The following MAK variants were observed in gnomAD, a reference collection of about 807,000 sequenced individuals.
The protein encoded by MAK is male germ cell associated kinase, also known as serine/threonine-protein kinase MAK.
In MAK, 65 loss-of-function variants were observed where a neutral mutation model predicts 82.6. The observed-to-expected ratio is 0.79, with a 90% CI of 0.64 to 0.97. The LOEUF (loss-of-function observed/expected upper bound fraction) is 0.97, where lower values mean the gene tolerates loss of function less well. Ranked by LOEUF, MAK falls within the 50% of genes least tolerant of loss-of-function variation. The pLI, the probability that MAK is intolerant of heterozygous loss-of-function variation, is 0.00. For missense variants in MAK, 703 were observed against 780.2 expected (o/e 0.90, Z 1.18); for synonymous variants, 250 against 274.2 (o/e 0.91, Z 0.87).
chr6:10,832,023 A>G (rs1055208466), intron 1 of MAK, among the ~76,000 whole-genome samples: 11 of 152,312 alleles, frequency 7.2e-5, no homozygotes, highest in African/African-American at 2.6e-4. Context: ...TCCGCCTCCC[A>G]GGTTCAAGTG....
At position 10,776,460 on chromosome 6, in the gene MAK, A is replaced by C. The variant is rs2127520416; in HGVS notation, c.1466-1001T>G. Among the ~76,000 whole-genome samples, 1 of 152,184 alleles carries C rather than the reference A, an allele frequency of 6.6e-6. No homozygotes were observed. Among genetic ancestry groups the C allele is most frequent in the East Asian group, 1.9e-4 (1 of 5,186 alleles). On this transcript the variant is annotated intron_variant, in intron 11 of 14. Transcript: ENST00000354489. This position sits in a 1 kb window ranked among gnomAD's most constrained non-coding sequence, Gnocchi z 4.3. ...CTTGTTTTCTTTTCACTGATAATTA[A>C]ATTAGAGTGAACTTGAGCAGTCTAT...
Position 10,780,453 on chromosome 6 carries a change from G to GTT in MAK, c.1465+3969_1465+3970dup, listed in dbSNP as rs34131278. Among the ~76,000 whole-genome samples, 222 of 96,740 alleles carry GTT rather than the reference G, an allele frequency of 2.3e-3. 2 individuals carry two copies. The highest frequency in any genetic ancestry group is 7.6e-3 in the African/African-American group (201 of 26,322). 63.5% of individuals were successfully genotyped at this position (96,740 alleles called of 152,430 possible). A position where few individuals can be genotyped will look rare whatever the true frequency, so the allele number is the denominator to read the frequency against. On this transcript the variant is annotated intron_variant, in intron 11 of 14. Transcript: ENST00000354489. ...ATATTTCAGTCAGTGAAATGTACTG[G>GTT]TTTTTTTTTTTTTTTTTTTTGAGAC...
At chr6:10,837,729 C>G (rs1779244073) in intron 1 of MAK, among the ~76,000 whole-genome samples, 1 of 152,162 alleles carries the variant, frequency 6.6e-6, no homozygotes, top group Non-Finnish European at 1.5e-5. Context: ...CACTAAAAAC[C>G]AGTTTTATTG....
At chr6:10,824,616 G>A (rs772808435) in intron 2 of MAK, among the ~76,000 whole-genome samples, 1 of 151,060 alleles carries the variant, frequency 6.6e-6, no homozygotes, top group Non-Finnish European at 1.5e-5. Context: ...CAGATGGGTG[G>A]AGGTGGAAAG....
chr6:10,791,720 C>T lies in MAK; in HGVS notation c.1271G>A (p.Ser424Asn). ...DFGASHSKKP[S>N]MGVFKEKRKK... ...CCTTTTTTCTTTAAAAACACCCATG[C>T]TTGGCTTCTTGGAATGGGAGGCTCC... is the stretch of plus-strand genomic sequence containing the variant. The change falls in exon 10 of 15, where the codon AGC becomes AAC. Residue 424 changes from serine (S) to asparagine (N), a missense_variant. Physicochemically the swap from Ser to Asn is conservative, Grantham distance 46. Transcript: ENST00000354489. 1 of 1,613,954 alleles carries T rather than the reference C, an allele frequency of 6.2e-7. No homozygotes were observed. Among genetic ancestry groups the T allele is most frequent in the East Asian group, 2.2e-5 (1 of 44,880 alleles).
At position 10,770,135 on chromosome 6, in the gene MAK, C is replaced by T. The variant is rs1032272680; in HGVS notation, c.1768G>A (p.Ala590Thr). 3 of 1,613,986 alleles carry T rather than the reference C, an allele frequency of 1.9e-6. No homozygotes were observed. In the African/African-American group the frequency reaches 4.0e-5, roughly 22 times the overall value. ...VQSAGQRIHL[A>T]PLNATASEYT... ...CCTGAAGCCGTTGCATTGAGAGGTG[C>T]TAAGTGGATCCTCTGGCCAGCTGAC... The change falls in exon 14 of 15, where the codon GCA becomes ACA. Residue 590 changes from alanine to threonine, a missense_variant. Physicochemically the swap from Ala to Thr is moderately conservative, Grantham distance 58 (BLOSUM62 0). Transcript: ENST00000354489.
At chr6:10,813,855 TA>T in intron 4 of MAK, 132 bp from the exon 5 acceptor site, 1 of 715,404 alleles carries the variant, frequency 1.4e-6, no homozygotes, top group African/African-American at 1.8e-5. Flanking sequence ...TTTATAGATT[TA>T]TACTCTTAAA....
intron 8 of MAK, chr6:10,797,702 G>C: frequency 9.0e-7 from 1 of 1,107,724 alleles, no homozygotes; most frequent in Non-Finnish European, 1.1e-6. Flanking sequence ...CCTTTAGCCA[G>C]TCCCCACATA....
chr6:10,777,376 C>T (rs978145956), intron 11 of MAK, among the ~76,000 whole-genome samples: 3 of 149,836 alleles, frequency 2.0e-5, no homozygotes, highest in Non-Finnish European at 3.0e-5. Context: ...TGTGCCACTG[C>T]ATCCAGCCTG....
intron 11 of MAK, chr6:10,779,329 G>A (rs1169331701): frequency 4.1e-6 from 4 of 984,834 alleles, no homozygotes; most frequent in African/African-American, 1.7e-5. Context: ...GGCTTACAGA[G>A]TGAGCTGACA....
chr6:10,835,049 G>A (rs561820068), intron 1 of MAK, among the ~76,000 whole-genome samples: 3 of 152,286 alleles, frequency 2.0e-5, no homozygotes, highest in Non-Finnish European at 4.4e-5. Flanking sequence ...TAACATGGTC[G>A]CACCGCTCCC....
At chr6:10,837,035 T>C (rs889260476) in intron 1 of MAK, among the ~76,000 whole-genome samples, 1 of 152,142 alleles carries the variant, frequency 6.6e-6, no homozygotes, top group African/African-American at 2.4e-5. Flanking sequence ...GAGATTCAGA[T>C]AGGATTAAAG....
intron 13 of MAK, among the ~76,000 whole-genome samples, chr6:10,772,447 G>A (rs1290982205): frequency 1.3e-5 from 2 of 151,758 alleles, no homozygotes; most frequent in Admixed American, 6.6e-5. Flanking sequence ...GGGTTCAAGC[G>A]ATTCTCCTGC....
intron 8 of MAK, among the ~76,000 whole-genome samples, chr6:10,801,393 A>G (rs1175190457): frequency 2.0e-5 from 3 of 152,200 alleles, no homozygotes; most frequent in Non-Finnish European, 4.4e-5. Flanking sequence ...TGTAGTCACA[A>G]AGGAACAAAG....
chr6:10,812,608 T>C (rs1228764938), intron 5 of MAK, among the ~76,000 whole-genome samples: 1 of 152,092 alleles, frequency 6.6e-6, no homozygotes, highest in Non-Finnish European at 1.5e-5. Flanking sequence ...ATCTAATCTT[T>C]TCCAAAAGAA....
intron 6 of MAK, 118 bp from the exon 7 acceptor site, chr6:10,804,009 G>A: frequency 1.2e-6 from 1 of 830,304 alleles, no homozygotes; most frequent in African/African-American, 1.7e-5. Flanking sequence ...TTCAGACCCT[G>A]TTCCATCTGT....
Position 10,775,554 on chromosome 6 carries a change from T to C in MAK, c.1466-95A>G, listed in dbSNP as rs1773393773. ...CATTCAAACAAAGACTAGAGACACC[T>C]TGGACAGGAGAATGGAAATAAATCT... is the stretch of plus-strand genomic sequence containing the variant. On this transcript the variant is annotated intron_variant, in intron 11 of 14. Coordinates refer to ENST00000354489, the MANE Select transcript of MAK (RefSeq NM_001242957.3). The C allele has an allele frequency of 2.3e-6, 3 of 1,333,314 alleles. No individual in the cohort carries two copies. The African/African-American group carries it at 4.3e-5, about 19-fold the overall frequency. The allele number at this position is 1,333,314 out of a possible 1,614,324, so 82.6% of individuals were successfully genotyped here.
At chr6:10,792,918 A>AC (rs1213740939) in intron 9 of MAK, among the ~76,000 whole-genome samples, 1 of 152,134 alleles carries the variant, frequency 6.6e-6, no homozygotes, top group African/African-American at 2.4e-5. Context: ...ATAAAAGGTT[A>AC]CCCTTAGCTG....
chr6:10,827,892 G>C lies in MAK; in HGVS notation c.101+2656C>G, dbSNP rs572548978. 2.6e-5 allele frequency: 4 copies of C among 152,338 alleles called. No individual in the cohort carries two copies. In the South Asian group the frequency reaches 8.3e-4, roughly 32 times the overall value. 9.4% of individuals were successfully genotyped at this position (152,338 alleles called of 1,614,324 possible). ...AGGTGGGGTTTCACCATGTTGCCAAGCTGGTCTCAAACTCCTGGGATCAAG... is the reference window on the plus strand; with the variant it reads ...AGGTGGGGTTTCACCATGTTGCCAACCTGGTCTCAAACTCCTGGGATCAAG... On this transcript the variant is annotated intron_variant, in intron 2 of 14. Coordinates refer to ENST00000354489, the MANE Select transcript of MAK (RefSeq NM_001242957.3).
Sources: gnomAD v4.1 joint callset for allele counts (sites outside exome capture counted in the v4.1 genomes callset) on GRCh38, gnomAD v4.1.1 for gene constraint, Gnocchi (gnomAD v3.1) non-coding constraint, MANE v1.5 for transcripts, NCBI Gene and HGNC (gene_info 2026-07-23, HGNC 2026-07-21) for gene names.